The following TAFA1 variants were observed in gnomAD, a reference collection of about 807,000 sequenced individuals.
The protein encoded by TAFA1 is TAFA chemokine like family member 1.
A neutral mutation model predicts 18.5 loss-of-function variants in TAFA1; 4 were observed. That is an observed-to-expected ratio of 0.22 (90% CI 0.11 to 0.49). The LOEUF (loss-of-function observed/expected upper bound fraction) is 0.49, where lower values mean the gene tolerates loss of function less well. Ranked by LOEUF, TAFA1 falls within the 20% of genes least tolerant of loss-of-function variation. The probability of loss-of-function intolerance (pLI) is 0.98; values close to 1 mark genes in which losing one functional copy is unlikely to be tolerated. For synonymous variants in TAFA1, 56 were observed against 55.2 expected, an observed-to-expected ratio of 1.01 and a Z score of -0.06; for missense variants, 147 against 169.0, an observed-to-expected ratio of 0.87 and a Z score of 0.72.
chr3:68,293,381 TTAAAG>T (rs2068148774), intron 2 of TAFA1, among the ~76,000 whole-genome samples: 2 of 152,148 alleles, frequency 1.3e-5, no homozygotes, highest in South Asian at 2.1e-4. Context: ...ATCCCAGAAC[TTAAAG>T]TAAAATAAAA....
chr3:67,999,801 T>A (rs1244164064), upstream of TAFA1, among the ~76,000 whole-genome samples: 1 of 151,666 alleles, frequency 6.6e-6, no homozygotes, highest in African/African-American at 2.4e-5. Context: ...TCCTTTCTTT[T>A]TTTTTTTTTT....
intron 2 of TAFA1, among the ~76,000 whole-genome samples, chr3:68,073,428 A>G (rs982606676): frequency 1.2e-4 from 19 of 152,220 alleles, no homozygotes; most frequent in African/African-American, 4.3e-4. Context: ...ATTCTGCAGC[A>G]TTAACAAATA....
chr3:68,313,453 CT>C (rs2068556425), intron 2 of TAFA1, among the ~76,000 whole-genome samples: 1 of 152,128 alleles, frequency 6.6e-6, no homozygotes, highest in African/African-American at 2.4e-5. Context: ...ACAGTCTTTA[CT>C]TTCATCTGTT....
chr3:68,210,326 A>AC (rs1365781830), intron 2 of TAFA1, among the ~76,000 whole-genome samples: 1 of 151,966 alleles, frequency 6.6e-6, no homozygotes, highest in Admixed American at 6.6e-5. Flanking sequence ...GCCTCTGGGG[A>AC]CCATCCTGAC....
chr3:68,357,928 A>G (rs1180624223), intron 2 of TAFA1, among the ~76,000 whole-genome samples: 3 of 151,960 alleles, frequency 2.0e-5, no homozygotes, highest in Non-Finnish European at 4.4e-5. Flanking sequence ...ATATCAGATT[A>G]CAGAAGCCTT....
intron 2 of TAFA1, among the ~76,000 whole-genome samples, chr3:68,388,767 A>C (rs2070161900): frequency 6.6e-6 from 1 of 151,180 alleles, no homozygotes; most frequent in Non-Finnish European, 1.5e-5. Context: ...TGGCCATCTG[A>C]TTTTTTTTTA....
At chr3:68,309,951 C>A (rs2068487217) in intron 2 of TAFA1, among the ~76,000 whole-genome samples, 1 of 152,158 alleles carries the variant, frequency 6.6e-6, no homozygotes, top group African/African-American at 2.4e-5. Context: ...TACTGCCAGC[C>A]CACATGGCAC....
At chr3:68,400,465 G>A (rs960752736) in intron 2 of TAFA1, among the ~76,000 whole-genome samples, 9 of 152,154 alleles carry the variant, frequency 5.9e-5, no homozygotes, top group African/African-American at 2.2e-4. Flanking sequence ...ATTCTCAAGA[G>A]AGCTTTATTG....
intron 2 of TAFA1, among the ~76,000 whole-genome samples, chr3:68,007,940 A>G (rs1333223777): frequency 2.6e-5 from 4 of 152,192 alleles, no homozygotes; most frequent in African/African-American, 9.7e-5. Context: ...CAGAGCGCGG[A>G]TGCAGCCCAG....
chr3:68,407,077 C>G (rs994359471), intron 2 of TAFA1, among the ~76,000 whole-genome samples: 1 of 151,930 alleles, frequency 6.6e-6, no homozygotes, highest in African/African-American at 2.4e-5. Context: ...TGCCTAAATG[C>G]AGTTTCTCCG....
At chr3:68,099,622 T>TCAAC (rs1327026139) in intron 2 of TAFA1, among the ~76,000 whole-genome samples, 1 of 151,916 alleles carries the variant, frequency 6.6e-6, no homozygotes, top group African/African-American at 2.4e-5. Flanking sequence ...GAACTACCAT[T>TCAAC]CAACCCAACA....
intron 2 of TAFA1, among the ~76,000 whole-genome samples, chr3:68,410,401 C>T (rs1005079651): frequency 1.3e-5 from 2 of 152,002 alleles, no homozygotes; most frequent in Admixed American, 6.6e-5. Context: ...TTTTCCAGAT[C>T]GGTGTGCATT....
intron 2 of TAFA1, among the ~76,000 whole-genome samples, chr3:68,085,536 G>C (rs954533526): frequency 6.6e-6 from 1 of 152,128 alleles, no homozygotes; most frequent in Non-Finnish European, 1.5e-5. Flanking sequence ...ACATGACAGA[G>C]TTTCTTGGTA....
chr3:68,406,407 G>C (rs1322790146), intron 2 of TAFA1, among the ~76,000 whole-genome samples: 1 of 152,166 alleles, frequency 6.6e-6, no homozygotes, highest in Non-Finnish European at 1.5e-5. Context: ...ACCCTAGAAT[G>C]AACGTAAACA....
chr3:68,261,462 A>T (rs1250627433), intron 2 of TAFA1, among the ~76,000 whole-genome samples: 4 of 152,214 alleles, frequency 2.6e-5, no homozygotes, highest in Non-Finnish European at 5.9e-5. Flanking sequence ...AGATACATGC[A>T]CATGTATGTT....
At chr3:68,196,360 TACTG>T (rs967512892) in intron 2 of TAFA1, among the ~76,000 whole-genome samples, 40 of 151,868 alleles carry the variant, frequency 2.6e-4, no homozygotes, top group African/African-American at 9.4e-4. Context: ...TCTGACCAAA[TACTG>T]ACCAAATGTA....
At chr3:68,108,450 GTGTGTGTGTGTGCA>G (rs1351177216) in intron 2 of TAFA1, among the ~76,000 whole-genome samples, 2 of 57,784 alleles carry the variant, frequency 3.5e-5, no homozygotes, top group African/African-American at 1.0e-4. Flanking sequence ...GTGTGTGTGT[GTGTGTGTGTGTGCA>G]TGTGTGTGTG....
chr3:68,496,759 A>T (rs1309704325), intron 3 of TAFA1, among the ~76,000 whole-genome samples: 1 of 152,158 alleles, frequency 6.6e-6, no homozygotes, highest in East Asian at 1.9e-4. Context: ...ATGTAAATTT[A>T]CACAGTTCCT....
intron 2 of TAFA1, among the ~76,000 whole-genome samples, chr3:68,334,210 TTTTACTA>T (rs1181043331): frequency 6.6e-5 from 10 of 152,218 alleles, no homozygotes; most frequent in Admixed American, 3.3e-4. Flanking sequence ...GTGGTAATGA[TTTTACTA>T]TGCATTTATA....
Sources: gnomAD v4.1 joint callset for allele counts (sites outside exome capture counted in the v4.1 genomes callset) on GRCh38, gnomAD v4.1.1 for gene constraint, MANE v1.5 for transcripts, NCBI Gene and HGNC (gene_info 2026-07-23, HGNC 2026-07-21) for gene names.